Variants in PCDH11X observed in about 807,000 individuals in gnomAD.
The protein encoded by PCDH11X is protocadherin 11 X-linked.
In PCDH11X, 18 loss-of-function variants were observed where a neutral mutation model predicts 53.3. That is an observed-to-expected ratio of 0.34 (90% CI 0.23 to 0.50). The LOEUF (loss-of-function observed/expected upper bound fraction) is 0.50, where lower values mean the gene tolerates loss of function less well. PCDH11X is among the 20% of genes least tolerant of loss of function. The pLI, the probability that PCDH11X is intolerant of heterozygous loss-of-function variation, is 0.98. For missense variants in PCDH11X, 570 were observed against 1,032.4 expected, an observed-to-expected ratio of 0.55 and a Z score of 6.14; for synonymous variants, 279 against 393.3, an observed-to-expected ratio of 0.71 and a Z score of 3.44.
At chrX:92,160,952 G>T (rs1331120733) in intron 6 of PCDH11X, among the ~76,000 whole-genome samples, 6 of 111,233 alleles carry the variant, frequency 5.4e-5, no homozygotes, top group Non-Finnish European at 9.4e-5. Context: ...TTATATGTTT[G>T]TTGGCCACTT....
intron 10 of PCDH11X, among the ~76,000 whole-genome samples, chrX:92,613,347 C>T (rs1473092608): frequency 9.0e-6 from 1 of 110,587 alleles, no homozygotes; most frequent in Non-Finnish European, 1.9e-5. Context: ...TCTCCTTTGC[C>T]TATGGAACAT....
chrX:92,019,514 TG>T (rs748808280), intron 6 of PCDH11X, among the ~76,000 whole-genome samples: 1 of 111,902 alleles, frequency 8.9e-6, no homozygotes, highest in Non-Finnish European at 1.9e-5. Context: ...ACCACTCTCT[TG>T]GACCATAGCA....
intron 6 of PCDH11X, among the ~76,000 whole-genome samples, chrX:92,092,982 G>A (rs1248975057): frequency 1.8e-5 from 2 of 110,957 alleles, no homozygotes; most frequent in African/African-American, 3.3e-5. Flanking sequence ...GCAAGACCTG[G>A]TTGTTTGAAA....
At chrX:91,911,332 G>A (rs938517860) in intron 6 of PCDH11X, among the ~76,000 whole-genome samples, 1 of 109,217 alleles carries the variant, frequency 9.2e-6, no homozygotes, top group African/African-American at 3.3e-5. Flanking sequence ...ATTTTTATGG[G>A]TATATAGTAA....
chrX:92,309,762 G>A (rs1234428589), intron 8 of PCDH11X, among the ~76,000 whole-genome samples: 4 of 111,471 alleles, frequency 3.6e-5, no homozygotes, highest in African/African-American at 6.5e-5. Flanking sequence ...CTCCACTGAG[G>A]AAACAAAGGA....
chrX:92,031,735 C>T (rs972250411), intron 6 of PCDH11X, among the ~76,000 whole-genome samples: 1 of 111,313 alleles, frequency 9.0e-6, no homozygotes, highest in East Asian at 2.8e-4. Flanking sequence ...GTTACTGAAG[C>T]GACTGTCTTT....
At chrX:91,845,501 G>A (rs968299981) in intron 5 of PCDH11X, among the ~76,000 whole-genome samples, 5 of 108,844 alleles carry the variant, frequency 4.6e-5, no homozygotes, top group African/African-American at 1.7e-4. Flanking sequence ...TGCTATCAAT[G>A]TTTAATCCTT....
chrX:92,342,701 G>C (rs1459637580), intron 8 of PCDH11X, among the ~76,000 whole-genome samples: 1 of 110,922 alleles, frequency 9.0e-6, no homozygotes, highest in African/African-American at 3.3e-5. Flanking sequence ...CAAAAGGGGG[G>C]AGTGAGGGAG....
chrX:92,581,603 G>A (rs1057452749), intron 10 of PCDH11X, among the ~76,000 whole-genome samples: 32 of 111,621 alleles, frequency 2.9e-4, no homozygotes, highest in African/African-American at 9.8e-4. Flanking sequence ...ACCCAGTCTC[G>A]GGCATGTCTT....
intron 6 of PCDH11X, among the ~76,000 whole-genome samples, chrX:91,910,955 A>G (rs1196979421): frequency 1.8e-5 from 2 of 111,537 alleles, no homozygotes; most frequent in African/African-American, 6.5e-5. Context: ...TATGACTGTT[A>G]ATAATTTCCA....
intron 6 of PCDH11X, among the ~76,000 whole-genome samples, chrX:92,146,382 C>A (rs1161875959): frequency 9.0e-6 from 1 of 110,865 alleles, no homozygotes; most frequent in Non-Finnish European, 1.9e-5. Context: ...GTATGTGCAA[C>A]TTGTGCAATA....
At chrX:92,148,098 CTTTCTTTCTTTCTTT>C (rs2065344098) in intron 6 of PCDH11X, among the ~76,000 whole-genome samples, 1 of 19,250 alleles carries the variant, frequency 5.2e-5, no homozygotes, top group African/African-American at 2.1e-4. Flanking sequence ...TTCTTTCTTT[CTTTCTTTCTTTCTTT>C]CTTTCTTTCT....
In PCDH11X at chrX:92,280,521, CAAATAAATAAATAAAT is replaced by C. The variant is rs200000470; in HGVS notation, c.3144+17405_3144+17420del. ...TGGGCAATAGAGTGAGGCTCCATCT[CAAATAAATAAATAAAT>C]AAATAAATAAATAAATAAATAAATA... On this transcript the variant is annotated intron_variant, in intron 8 of 10. Transcript: ENST00000682573. Among the ~76,000 whole-genome samples the C allele has an allele frequency of 3.3e-3, 349 of 104,318 alleles. 1 individual carries two copies. The highest frequency in any genetic ancestry group is 0.011 in the African/African-American group (321 of 28,171). The allele number at this position is 104,318 out of a possible 115,157, so 90.6% of individuals were successfully genotyped here. A position where few individuals can be genotyped will look rare whatever the true frequency, so the allele number is the denominator to read the frequency against.
intron 8 of PCDH11X, among the ~76,000 whole-genome samples, chrX:92,322,884 G>A (rs1394777526): frequency 9.0e-6 from 1 of 110,766 alleles, no homozygotes; most frequent in African/African-American, 3.3e-5. Flanking sequence ...CTTTTTAAGT[G>A]GTATTATGTC....
chrX:92,038,400 T>C (rs2063160824), intron 6 of PCDH11X, among the ~76,000 whole-genome samples: 1 of 110,496 alleles, frequency 9.1e-6, no homozygotes, highest in Non-Finnish European at 1.9e-5. Flanking sequence ...AGGGCCAACA[T>C]GGAACTCAGG....
chrX:91,884,942 G>T (rs1190705504), intron 6 of PCDH11X, among the ~76,000 whole-genome samples: 1 of 107,331 alleles, frequency 9.3e-6, no homozygotes, highest in Non-Finnish European at 1.9e-5. Flanking sequence ...AAAGGTTTAT[G>T]CTCTGTTCAG....
At position 92,401,509 on chromosome X, in the gene PCDH11X, G is replaced by A. The variant is rs186313938; in HGVS notation, c.3343+13576G>A. On this transcript the variant is annotated intron_variant, in intron 9 of 10. Coordinates refer to ENST00000682573, the MANE Select transcript of PCDH11X (RefSeq NM_032968.5). ...TTTTATAATTTTCTTTACAATGGCT[G>A]TATTACATGAGACCAAGCCATTTCA... is the stretch of plus-strand genomic sequence containing the variant. 8.1e-3 allele frequency among the ~76,000 whole-genome samples: 899 copies of A among 111,206 alleles called. 15 individuals are homozygous for A. The highest frequency in any genetic ancestry group is 0.028 in the African/African-American group (870 of 30,645).
At chrX:92,081,691 A>G (rs764829893) in intron 6 of PCDH11X, among the ~76,000 whole-genome samples, 61 of 102,744 alleles carry the variant, frequency 5.9e-4, no homozygotes, top group Non-Finnish European at 1.0e-3. Context: ...ACAATAAAAT[A>G]CAACTTTGGC....
At chrX:91,997,436 T>C (rs2062438888) in intron 6 of PCDH11X, among the ~76,000 whole-genome samples, 2 of 111,748 alleles carry the variant, frequency 1.8e-5, no homozygotes, top group Admixed American at 1.9e-4. Context: ...TAAAAGTATG[T>C]TGAATTTTAT....
Sources: gnomAD v4.1 joint callset for allele counts (sites outside exome capture counted in the v4.1 genomes callset) on GRCh38, gnomAD v4.1.1 for gene constraint, MANE v1.5 for transcripts, NCBI Gene and HGNC (gene_info 2026-07-23, HGNC 2026-07-21) for gene names.